The following NHSL1 variants were observed in gnomAD, a reference collection of about 807,000 sequenced individuals.
The protein encoded by NHSL1 is NHS-like protein 1.
NHSL1 carries 48 observed loss-of-function variants against 95.0 expected under a neutral mutation model. That is an observed-to-expected ratio of 0.51 (90% CI 0.40 to 0.64). NHSL1 has a LOEUF of 0.64. Ranked by LOEUF, NHSL1 falls within the 30% of genes least tolerant of loss-of-function variation. The probability of loss-of-function intolerance (pLI) is 0.00; values close to 1 mark genes in which losing one functional copy is unlikely to be tolerated. For missense variants in NHSL1, 1,971 were observed against 2,077.7 expected, an observed-to-expected ratio of 0.95 and a Z score of 1.00; for synonymous variants, 783 against 833.9, an observed-to-expected ratio of 0.94 and a Z score of 1.05.
chr6:138,691,472 C>T (rs902042828), intron 1 of NHSL1, among the ~76,000 whole-genome samples: 2 of 152,092 alleles, frequency 1.3e-5, no homozygotes, highest in Non-Finnish European at 1.5e-5. Context: ...AGCTGGAAAA[C>T]GAGCTATTCG....
intron 2 of NHSL1, among the ~76,000 whole-genome samples, chr6:138,479,851 G>C (rs553979032): frequency 2.7e-4 from 41 of 152,254 alleles, no homozygotes; most frequent in South Asian, 1.7e-3. Context: ...GGAAGCATAC[G>C]ATGCAGTGAA....
chr6:138,622,372 C>T (rs1784676346), intron 1 of NHSL1, among the ~76,000 whole-genome samples: 1 of 152,034 alleles, frequency 6.6e-6, no homozygotes, highest in Non-Finnish European at 1.5e-5. Context: ...GGCGTGGCCG[C>T]ATGCGCCTGT....
intron 1 of NHSL1, among the ~76,000 whole-genome samples, chr6:138,578,851 G>A (rs1784010590): frequency 1.3e-5 from 2 of 152,180 alleles, no homozygotes; most frequent in South Asian, 4.1e-4. Flanking sequence ...AGTTAGCACA[G>A]TGCTAGACTA....
chr6:138,432,254 G>C lies in NHSL1; in HGVS notation c.2091C>G (p.Asn697Lys). 1.3e-6 allele frequency: 2 copies of C among 1,550,392 alleles called. No individual in the cohort carries two copies. Among genetic ancestry groups the C allele is most frequent in the Non-Finnish European group, 1.7e-6 (2 of 1,146,364 alleles). ...KSSQCNGQVL[N>K]ESLIATLQHS... ...GCTGGAGTGTGGCGATCAGGCTCTC[G>C]TTGAGCACCTGCCCGTTGCACTGGC... The change falls in exon 6 of 8, where the codon AAC (asparagine) becomes AAG (lysine). Residue 697 changes from asparagine to lysine, a missense_variant. Transcript: ENST00000343505. This position sits in a 1 kb window ranked among gnomAD's most constrained non-coding sequence, Gnocchi z 4.4.
intron 1 of NHSL1, among the ~76,000 whole-genome samples, chr6:138,529,880 C>G (rs1410601563): frequency 6.6e-6 from 1 of 152,120 alleles, no homozygotes; most frequent in Non-Finnish European, 1.5e-5. Context: ...TCTGAAAAGT[C>G]CCTTTTTGCC....
chr6:138,592,656 T>C (rs1784248282), intron 1 of NHSL1, among the ~76,000 whole-genome samples: 1 of 152,042 alleles, frequency 6.6e-6, no homozygotes, highest in Non-Finnish European at 1.5e-5. Context: ...AACCCCTACA[T>C]ATCCAGAACT....
chr6:138,593,917 G>C (rs1292012058), intron 1 of NHSL1, among the ~76,000 whole-genome samples: 1 of 152,148 alleles, frequency 6.6e-6, no homozygotes, highest in Non-Finnish European at 1.5e-5. Flanking sequence ...AAAGTGACTT[G>C]GGCAGTTTTT....
intron 1 of NHSL1, among the ~76,000 whole-genome samples, chr6:138,651,568 C>T (rs575557521): frequency 1.3e-5 from 2 of 152,112 alleles, no homozygotes; most frequent in South Asian, 2.1e-4. Flanking sequence ...CTTCTTTAGA[C>T]GGAAGGTGAA....
At chr6:138,583,791 G>C (rs1318388527) in intron 1 of NHSL1, among the ~76,000 whole-genome samples, 2 of 152,186 alleles carry the variant, frequency 1.3e-5, no homozygotes, top group Non-Finnish European at 2.9e-5. Flanking sequence ...CAGAGCCAGA[G>C]AGCATATATT....
At position 138,471,177 on chromosome 6, in the gene NHSL1, C is replaced by G. The variant is rs77032283; in HGVS notation, c.339+2129G>C. On this transcript the variant is annotated intron_variant, in intron 3 of 7. Coordinates refer to ENST00000343505, the MANE Select transcript of NHSL1 (RefSeq NM_001144060.2). Reference sequence around the variant, plus strand: ...GCTAACTTCCCTCAGAGTTGAGTGTCATGGTAAGCAAAGAGCTATGTGAGA... The same window carrying G: ...GCTAACTTCCCTCAGAGTTGAGTGTGATGGTAAGCAAAGAGCTATGTGAGA... Among the ~76,000 whole-genome samples, 14 of 152,170 alleles carry G rather than the reference C, an allele frequency of 9.2e-5. No homozygotes were observed. In the East Asian group the frequency reaches 2.5e-3, roughly 27 times the overall value.
At chr6:138,510,436 A>C (rs1236939726) in intron 1 of NHSL1, among the ~76,000 whole-genome samples, 1 of 152,248 alleles carries the variant, frequency 6.6e-6, no homozygotes, top group Non-Finnish European at 1.5e-5. Flanking sequence ...AAATGAGGAT[A>C]ATATTTTATT....
rs1456406395 is a variant in NHSL1 at position 138,429,712 on chromosome 6, T to C, written c.4084A>G (p.Arg1362Gly). Residue 1362 changes from arginine to glycine, a missense_variant and splice_region_variant, in exon 7 of 8, where the codon AGA becomes GGA. Transcript: ENST00000343505. The stretch of plus-strand genomic sequence containing the variant: ...GTCAGAGGAAGGAGTTTGAAATACC[T>C]GTGAATAGCTGCAAAAAGGTCTTCT... ...TTEDLFAAIH[R>G]SKRKVLGRRD... 6.5e-7 allele frequency: 1 copy of C among 1,550,032 alleles called. No individual in the cohort carries two copies. Among genetic ancestry groups the C allele is most frequent in the Non-Finnish European group, 8.7e-7 (1 of 1,146,334 alleles).
chr6:138,531,084 T>C (rs1782114292), intron 1 of NHSL1, among the ~76,000 whole-genome samples: 1 of 152,222 alleles, frequency 6.6e-6, no homozygotes, highest in Non-Finnish European at 1.5e-5. Context: ...CCAGAATTCA[T>C]GCTGATACCT....
At chr6:138,672,315 T>TTTTTTTTTGAGACGGAGTC (rs1221309586) in intron 1 of NHSL1, among the ~76,000 whole-genome samples, 1 of 152,222 alleles carries the variant, frequency 6.6e-6, no homozygotes, top group African/African-American at 2.4e-5. Context: ...ACATTATTTT[T>TTTTTTTTTGAGACGGAGTC]TAAAGCGTGC....
At chr6:138,468,148 C>T (rs1343705351) in intron 3 of NHSL1, among the ~76,000 whole-genome samples, 1 of 152,228 alleles carries the variant, frequency 6.6e-6, no homozygotes, top group Admixed American at 6.5e-5. Context: ...CATTCACTCA[C>T]CACACTCACT....
chr6:138,632,653 T>A (rs1784834946), intron 1 of NHSL1, among the ~76,000 whole-genome samples: 1 of 152,196 alleles, frequency 6.6e-6, no homozygotes, highest in Non-Finnish European at 1.5e-5. Context: ...ACAGTATTAC[T>A]GGGCTTGGTA....
chr6:138,562,630 C>A (rs1312670022), intron 1 of NHSL1, among the ~76,000 whole-genome samples: 1 of 152,138 alleles, frequency 6.6e-6, no homozygotes, highest in African/African-American at 2.4e-5. Flanking sequence ...CCAGTCCACT[C>A]CAGTCTGGGG....
At chr6:138,588,459 C>T (rs1784174086) in intron 1 of NHSL1, among the ~76,000 whole-genome samples, 1 of 152,028 alleles carries the variant, frequency 6.6e-6, no homozygotes, top group African/African-American at 2.4e-5. Flanking sequence ...AAGACTTCGT[C>T]TCAAAAATAA....
At chr6:138,484,404 C>T (rs1257258590) in intron 2 of NHSL1, among the ~76,000 whole-genome samples, 1 of 151,986 alleles carries the variant, frequency 6.6e-6, no homozygotes, top group Non-Finnish European at 1.5e-5. Context: ...TATAATAACA[C>T]AATTCCAAAT....
Sources: allele counts gnomAD v4.1 joint callset (sites outside exome capture counted in the v4.1 genomes callset), GRCh38; gene constraint gnomAD v4.1.1; non-coding constraint Gnocchi (gnomAD v3.1); transcripts MANE v1.5; gene names NCBI Gene and HGNC (gene_info 2026-07-23, HGNC 2026-07-21).